The following WWC2 variants were observed in gnomAD, a reference collection of about 807,000 sequenced individuals.
WWC2 encodes WW and C2 domain containing 2.
Under a neutral mutation model 138.5 loss-of-function variants are expected in WWC2, and 101 were observed. The observed-to-expected ratio is 0.73, with a 90% CI of 0.62 to 0.86. The LOEUF (loss-of-function observed/expected upper bound fraction) is 0.86. Ranked by LOEUF, WWC2 falls within the 40% of genes least tolerant of loss-of-function variation. WWC2 has a pLI of 0.00. For synonymous variants in WWC2, 558 were observed against 538.4 expected, an observed-to-expected ratio of 1.04 and a Z score of -0.50; for missense variants, 1,420 against 1,419.4, an observed-to-expected ratio of 1.00 and a Z score of -0.01.
chr4:183,281,585 A>C (rs1464999491), intron 17 of WWC2, among the ~76,000 whole-genome samples: 3 of 152,226 alleles, frequency 2.0e-5, no homozygotes, highest in African/African-American at 7.2e-5. Context: ...AACTACTGTT[A>C]ATACATGTGC....
chr4:183,180,850 G>T (rs1734611897), intron 1 of WWC2, among the ~76,000 whole-genome samples: 1 of 151,850 alleles, frequency 6.6e-6, no homozygotes, highest in East Asian at 1.9e-4. Flanking sequence ...CCCACAATTT[G>T]AAAAAACTTA....
chr4:183,171,889 A>G (rs981261517), intron 1 of WWC2, among the ~76,000 whole-genome samples: 1 of 152,178 alleles, frequency 6.6e-6, no homozygotes, highest in Non-Finnish European at 1.5e-5. Context: ...CCTCATGCAC[A>G]TGTGCCTCCC....
chr4:183,258,588 C>A (rs2111351995), intron 9 of WWC2, among the ~76,000 whole-genome samples: 1 of 152,256 alleles, frequency 6.6e-6, no homozygotes, highest in Non-Finnish European at 1.5e-5. Flanking sequence ...AGGCTTTGAA[C>A]AAGTCAGATT....
intron 2 of WWC2, among the ~76,000 whole-genome samples, chr4:183,202,489 G>T (rs950085964): frequency 2.1e-4 from 32 of 152,310 alleles, no homozygotes; most frequent in African/African-American, 7.7e-4. Flanking sequence ...ACTTTGAGAA[G>T]AAATATTTTC....
At chr4:183,262,535 C>G (rs1355893006) in intron 11 of WWC2, among the ~76,000 whole-genome samples, 1 of 152,246 alleles carries the variant, frequency 6.6e-6, no homozygotes, top group Non-Finnish European at 1.5e-5. Context: ...TCTACGGTTT[C>G]AAATACTGAA....
At chr4:183,177,866 G>A (rs1359767463) in intron 1 of WWC2, among the ~76,000 whole-genome samples, 1 of 151,840 alleles carries the variant, frequency 6.6e-6, no homozygotes, top group Non-Finnish European at 1.5e-5. Context: ...CTAGTAATCT[G>A]GCCAGCTGCC....
intron 4 of WWC2, among the ~76,000 whole-genome samples, chr4:183,224,446 C>T (rs1736013977): frequency 6.6e-6 from 1 of 152,182 alleles, no homozygotes. Context: ...TTGTTATTTA[C>T]TGATCCTCAG....
At position 183,320,476 on chromosome 4, in the gene WWC2, GA is replaced by G; in HGVS notation, c.*4750del. On this transcript the variant is annotated 3_prime_UTR_variant, in exon 23 of 23. Coordinates refer to ENST00000403733, the MANE Select transcript of WWC2 (RefSeq NM_024949.6). ...TGTGTCCTGTGGGCTGGATTTGACAGAAAGCAGTTTGTCACTGAAATATAAT... is the reference window on the plus strand; with the variant it reads ...TGTGTCCTGTGGGCTGGATTTGACAGAAGCAGTTTGTCACTGAAATATAAT... The G allele has an allele frequency of 2.0e-6, 1 of 491,116 alleles. No homozygotes were observed. Among genetic ancestry groups the G allele is most frequent in the Non-Finnish European group, 3.7e-6 (1 of 272,954 alleles). 30.4% of individuals were successfully genotyped at this position (491,116 alleles called of 1,614,324 possible). A position where few individuals can be genotyped will look rare whatever the true frequency, so the allele number is the denominator to read the frequency against.
chr4:183,117,881 A>G (rs1014449314), intron 1 of WWC2, among the ~76,000 whole-genome samples: 1 of 151,994 alleles, frequency 6.6e-6, no homozygotes, highest in Non-Finnish European at 1.5e-5. Flanking sequence ...GCTCACTGCA[A>G]CTGCCGCTTC....
At chr4:183,202,779 G>A (rs1735338510) in intron 2 of WWC2, among the ~76,000 whole-genome samples, 1 of 152,222 alleles carries the variant, frequency 6.6e-6, no homozygotes, top group Non-Finnish European at 1.5e-5. Flanking sequence ...TGGGTGCAGA[G>A]TGATCTGTGG....
At chr4:183,226,406 A>G (rs965764302) in intron 4 of WWC2, among the ~76,000 whole-genome samples, 5 of 150,870 alleles carry the variant, frequency 3.3e-5, no homozygotes, top group African/African-American at 1.2e-4. Flanking sequence ...ACAAAATTAA[A>G]TAGAAATATA....
At position 183,169,716 on chromosome 4, in the gene WWC2, T is replaced by C. The variant is rs375142891; in HGVS notation, c.132-23883T>C. 4.7e-4 allele frequency among the ~76,000 whole-genome samples: 72 copies of C among 152,280 alleles called. 1 individual carries two copies. In the East Asian group the frequency reaches 0.01, roughly 21 times the overall value. On this transcript the variant is annotated intron_variant, in intron 1 of 22. Transcript: ENST00000403733. The stretch of plus-strand genomic sequence containing the variant: ...AGCCTAATTTGTTTATATAATATAG[T>C]ATATATGTTAAAGGAAGCAAGTAAT...
At chr4:183,140,650 G>A (rs959456297) in intron 1 of WWC2, among the ~76,000 whole-genome samples, 2 of 152,096 alleles carry the variant, frequency 1.3e-5, no homozygotes, top group African/African-American at 4.8e-5. Flanking sequence ...TGTATATAAA[G>A]AAGCATTATT....
intron 1 of WWC2, among the ~76,000 whole-genome samples, chr4:183,157,541 C>T (rs961703247): frequency 2.6e-5 from 4 of 152,120 alleles, no homozygotes; most frequent in African/African-American, 7.2e-5. Context: ...CGCACTGTTG[C>T]CCAGGCTGGA....
At chr4:183,152,492 C>T (rs888949063) in intron 1 of WWC2, among the ~76,000 whole-genome samples, 2 of 149,384 alleles carry the variant, frequency 1.3e-5, no homozygotes, top group African/African-American at 2.5e-5. Flanking sequence ...GTGCAAGACC[C>T]TGCCTCTTAA....
intron 19 of WWC2, among the ~76,000 whole-genome samples, chr4:183,285,640 A>G (rs1738222487): frequency 6.6e-6 from 1 of 152,118 alleles, no homozygotes; most frequent in Non-Finnish European, 1.5e-5. Flanking sequence ...TGCGCCTGTA[A>G]TCCGAGTTAC....
In WWC2 at chr4:183,157,570, A is replaced by G. The variant is rs937681376; in HGVS notation, c.132-36029A>G. Reference sequence around the variant, plus strand: ...GGCTGGAGTGCAGTGGCGCAATCTCAGCTCACTGCAACCTCCACCTCCTGG... The same window carrying G: ...GGCTGGAGTGCAGTGGCGCAATCTCGGCTCACTGCAACCTCCACCTCCTGG... On this transcript the variant is annotated intron_variant, in intron 1 of 22. Transcript: ENST00000403733. 5.9e-5 allele frequency among the ~76,000 whole-genome samples: 9 copies of G among 152,178 alleles called. No homozygotes were observed. The East Asian group carries it at 1.5e-3, about 26-fold the overall frequency.
chr4:183,224,769 C>T (rs570346598), intron 4 of WWC2, among the ~76,000 whole-genome samples: 1 of 152,294 alleles, frequency 6.6e-6, no homozygotes, highest in South Asian at 2.1e-4. Flanking sequence ...CCATGTTGGT[C>T]AGGCTGGTCT....
chr4:183,156,284 C>T (rs932944968), intron 1 of WWC2, among the ~76,000 whole-genome samples: 38 of 151,232 alleles, frequency 2.5e-4, no homozygotes, highest in African/African-American at 8.7e-4. Flanking sequence ...CCTCAGCCTC[C>T]TAAAGTGTTG....
Sources: allele counts gnomAD v4.1 joint callset (sites outside exome capture counted in the v4.1 genomes callset), GRCh38; gene constraint gnomAD v4.1.1; transcripts MANE v1.5; gene names NCBI Gene and HGNC (gene_info 2026-07-23, HGNC 2026-07-21).